MRPL42: variants seen among roughly 807,000 people sequenced by gnomAD.
The protein encoded by MRPL42 is mitochondrial ribosomal protein L42.
In MRPL42, 17 loss-of-function variants were observed where a neutral mutation model predicts 17.9. The observed-to-expected ratio is 0.95, with a 90% CI of 0.65 to 1.42. The LOEUF (loss-of-function observed/expected upper bound fraction) is 1.42. MRPL42 is among the 40% of genes most tolerant of loss of function. MRPL42 has a pLI of 0.00. For missense variants in MRPL42, 177 were observed against 175.2 expected (o/e 1.01, Z -0.06); for synonymous variants, 59 against 54.4 (o/e 1.08, Z -0.37).
chr12:93,500,753 A>T (rs559693016), intron 5 of MRPL42: 1 of 152,958 alleles, frequency 6.5e-6, no homozygotes, highest in Non-Finnish European at 1.5e-5. Flanking sequence ...TGTTGAAATT[A>T]TCCTCAAGAT....
chr12:93,468,159 T>C (rs529638159), intron 1 of MRPL42, among the ~76,000 whole-genome samples: 2 of 152,292 alleles, frequency 1.3e-5, no homozygotes, highest in South Asian at 4.1e-4. Context: ...AGAGCACATA[T>C]TGTATATGAA....
At chr12:93,491,040 A>G (rs1222528042) in intron 5 of MRPL42, among the ~76,000 whole-genome samples, 1 of 152,034 alleles carries the variant, frequency 6.6e-6, no homozygotes, top group Non-Finnish European at 1.5e-5. Flanking sequence ...ACAGGTGCAC[A>G]TCACCATGCC....
At chr12:93,467,972 C>T (rs945952212) in intron 1 of MRPL42, among the ~76,000 whole-genome samples, 2 of 152,282 alleles carry the variant, frequency 1.3e-5, no homozygotes, top group African/African-American at 2.4e-5. Flanking sequence ...TTTCTCTGGG[C>T]TTCGGACAGA....
intron 5 of MRPL42, 118 bp from the exon 6 acceptor site, chr12:93,501,058 G>A: frequency 1.3e-6 from 1 of 742,030 alleles, no homozygotes; most frequent in Non-Finnish European, 2.1e-6. Flanking sequence ...CTGATACGTA[G>A]TTTCATTGAT....
Position 93,508,374 on chromosome 12 carries a change from T to A in MRPL42, c.*7153T>A, listed in dbSNP as rs2121298802. Reference sequence around the variant, plus strand: ...TGAGCCCATGAGATTGAGGCTGTAGTGAGCCATGATTGTGCCACTGCACTC... The same window carrying A: ...TGAGCCCATGAGATTGAGGCTGTAGAGAGCCATGATTGTGCCACTGCACTC... On this transcript the variant is annotated 3_prime_UTR_variant, in exon 6 of 6. Coordinates refer to ENST00000549982, the MANE Select transcript of MRPL42 (RefSeq NM_014050.4). The A allele has an allele frequency of 6.5e-6, 1 of 152,848 alleles. No homozygotes were observed. Among genetic ancestry groups the A allele is most frequent in the South Asian group, 2.1e-4 (1 of 4,840 alleles). The allele number at this position is 152,848 out of a possible 1,614,324, so 9.5% of individuals were successfully genotyped here.
At position 93,501,068 on chromosome 12, in the gene MRPL42, T is replaced by G. The variant is rs533622761; in HGVS notation, c.384-108T>G. 153 of 831,682 alleles carry G rather than the reference T, an allele frequency of 1.8e-4. No homozygotes were observed. In the African/African-American group the frequency reaches 2.7e-3, roughly 15 times the overall value. 51.5% of individuals were successfully genotyped at this position (831,682 alleles called of 1,614,324 possible). A position where few individuals can be genotyped will look rare whatever the true frequency, so the allele number is the denominator to read the frequency against. ...AATGGCTGATACGTAGTTTCATTGA[T>G]TTTTTAAAAAAATAGTTCCAATAGC... On this transcript the variant is annotated intron_variant, in intron 5 of 5. Transcript: ENST00000549982.
chr12:93,472,304 A>G (rs1032285365), intron 2 of MRPL42, among the ~76,000 whole-genome samples: 1 of 152,198 alleles, frequency 6.6e-6, no homozygotes, highest in African/African-American at 2.4e-5. Context: ...TATTGAAAGT[A>G]AAGGGCTGGG....
intron 2 of MRPL42, chr12:93,470,558 C>T (rs911710148): frequency 5.4e-6 from 7 of 1,286,202 alleles, no homozygotes; most frequent in African/African-American, 3.0e-5. Context: ...CAACTGAACC[C>T]GTCACCCAAA....
At chr12:93,489,919 G>A (rs559256986) in intron 5 of MRPL42, among the ~76,000 whole-genome samples, 3 of 152,278 alleles carry the variant, frequency 2.0e-5, no homozygotes, top group African/African-American at 7.2e-5. Flanking sequence ...TAGGATATGT[G>A]CAAACAAATT....
chr12:93,475,404 C>G (rs1397091838), intron 2 of MRPL42, among the ~76,000 whole-genome samples: 3 of 152,000 alleles, frequency 2.0e-5, no homozygotes, highest in African/African-American at 7.2e-5. Flanking sequence ...GCATGAGCCA[C>G]TGCGCCTGGC....
chr12:93,494,022 T>G (rs1358910644), intron 5 of MRPL42, among the ~76,000 whole-genome samples: 2 of 121,870 alleles, frequency 1.6e-5, no homozygotes, highest in African/African-American at 6.4e-5. Flanking sequence ...ATAAAAGCCC[T>G]GAGATGGAAG....
chr12:93,475,170 A>G (rs891090429), intron 2 of MRPL42, among the ~76,000 whole-genome samples: 8 of 151,904 alleles, frequency 5.3e-5, no homozygotes, highest in Non-Finnish European at 1.2e-4. Flanking sequence ...GCTGGAGTGC[A>G]ATGGCACGAT....
In MRPL42 at chr12:93,487,748, T is replaced by G. The variant is rs188621032; in HGVS notation, c.383+88T>G. 6.1e-4 allele frequency: 739 copies of G among 1,217,084 alleles called. 8 individuals carry two copies. The African/African-American group carries it at 0.01, about 17-fold the overall frequency. The allele number at this position is 1,217,084 out of a possible 1,614,324, so 75.4% of individuals were successfully genotyped here. On this transcript the variant is annotated intron_variant, in intron 5 of 5. Coordinates refer to ENST00000549982, the MANE Select transcript of MRPL42 (RefSeq NM_014050.4). ...TTGCAATAACAAACTTCTGAAGTGG[T>G]GTTTTGCATGAGGAAATTAACCCTA...
intron 5 of MRPL42, among the ~76,000 whole-genome samples, chr12:93,492,538 A>T (rs1953434808): frequency 6.6e-6 from 1 of 152,196 alleles, no homozygotes; most frequent in Non-Finnish European, 1.5e-5. Context: ...TTGGGAAGTC[A>T]TTAACCTCTT....
intron 2 of MRPL42, among the ~76,000 whole-genome samples, chr12:93,472,054 T>C (rs769028847): frequency 6.6e-6 from 1 of 152,194 alleles, no homozygotes; most frequent in Non-Finnish European, 1.5e-5. Flanking sequence ...GATTTCCCAC[T>C]AAGTTTGTAC....
rs1953771557 is a variant in MRPL42, at chr12:93,515,535, A to AT, written c.*14319dup. The AT allele has an allele frequency of 6.6e-6, 1 of 151,808 alleles. No homozygotes were observed. The highest frequency in any genetic ancestry group is 1.5e-5 in the Non-Finnish European group (1 of 67,980). 9.4% of individuals were successfully genotyped at this position (151,808 alleles called of 1,614,324 possible). A position where few individuals can be genotyped will look rare whatever the true frequency, so the allele number is the denominator to read the frequency against. ...AGGTGTGCATCACCATTCCCAGGTA[A>AT]TTTTTGTATTTTTAGTATAGATGGA... On this transcript the variant is annotated 3_prime_UTR_variant, in exon 6 of 6. Transcript: ENST00000549982.
At position 93,508,675 on chromosome 12, in the gene MRPL42, T is replaced by A. The variant is rs975129942; in HGVS notation, c.*7454T>A. 2.0e-5 allele frequency: 3 copies of A among 152,180 alleles called. No homozygotes were observed. The highest frequency in any genetic ancestry group is 4.4e-5 in the Non-Finnish European group (3 of 68,048). The allele number at this position is 152,180 out of a possible 1,614,324, so 9.4% of individuals were successfully genotyped here. A position where few individuals can be genotyped will look rare whatever the true frequency, so the allele number is the denominator to read the frequency against. ...TCTCCACAGGACAATGCACATGGTA[T>A]GTTTGTCAGAACCCAGTTGGAGTTT... On this transcript the variant is annotated 3_prime_UTR_variant, in exon 6 of 6. Transcript: ENST00000549982.
rs1953777275 is a variant in MRPL42 at position 93,515,901 on chromosome 12, T to A, written c.*14680T>A. 6.6e-6 allele frequency: 1 copy of A among 152,094 alleles called. No individual in the cohort carries two copies. The highest frequency in any genetic ancestry group is 2.4e-5 in the African/African-American group (1 of 41,398). 9.4% of individuals were successfully genotyped at this position (152,094 alleles called of 1,614,324 possible). On this transcript the variant is annotated 3_prime_UTR_variant, in exon 6 of 6. Transcript: ENST00000549982. ...TGTCTAAGCACAGGCAAAAAGAGGGTCATGGTGCCATCCAGAAAATACCAA... is the reference window on the plus strand; with the variant it reads ...TGTCTAAGCACAGGCAAAAAGAGGGACATGGTGCCATCCAGAAAATACCAA...
In MRPL42 at chr12:93,487,617, A is replaced by G; in HGVS notation, c.340A>G (p.Lys114Glu). ...EEGPMIEQLS[K>E]MFFTTKHRWY... ...AGGACCTATGATAGAACAACTTAGC[A>G]AAATGTTCTTTACTACTAAGCACCG... The change falls in exon 5 of 6, where the codon AAA (lysine) becomes GAA (glutamate). Residue 114 changes from lysine (K) to glutamate (E), a missense_variant. Transcript: ENST00000549982. 2 of 1,613,560 alleles carry G rather than the reference A, an allele frequency of 1.2e-6. No homozygotes were observed. Among genetic ancestry groups the G allele is most frequent in the Non-Finnish European group, 8.5e-7 (1 of 1,179,664 alleles).
Sources: allele counts gnomAD v4.1 joint callset (sites outside exome capture counted in the v4.1 genomes callset), GRCh38; gene constraint gnomAD v4.1.1; transcripts MANE v1.5; gene names NCBI Gene and HGNC (gene_info 2026-07-23, HGNC 2026-07-21).